NBEA: variants seen among roughly 807,000 people sequenced by gnomAD.
NBEA encodes the protein neurobeachin.
NBEA carries 44 observed loss-of-function variants against 343.4 expected under a neutral mutation model. That is an observed-to-expected ratio of 0.13 (90% confidence interval 0.10 to 0.16). NBEA has a LOEUF of 0.16. NBEA is among the 10% of genes least tolerant of loss of function. The pLI, the probability that NBEA is intolerant of heterozygous loss-of-function variation, is 1.00. For missense variants in NBEA, 2,555 were observed against 3,631.3 expected, an observed-to-expected ratio of 0.70 and a Z score of 7.62; for synonymous variants, 1,175 against 1,238.7, an observed-to-expected ratio of 0.95 and a Z score of 1.08.
At chr13:35,514,737 G>A (rs986293463) in intron 41 of NBEA, among the ~76,000 whole-genome samples, 3 of 152,034 alleles carry the variant, frequency 2.0e-5, no homozygotes, top group African/African-American at 7.2e-5. Context: ...AATAATTACC[G>A]GTTGATCATT....
intron 1 of NBEA, among the ~76,000 whole-genome samples, chr13:34,993,131 T>C (rs930864840): frequency 2.0e-5 from 3 of 152,222 alleles, no homozygotes; most frequent in African/African-American, 7.2e-5. Flanking sequence ...TCGTATCTTA[T>C]TAGAGCTTAT....
At chr13:35,412,209 G>A (rs888136988) in intron 38 of NBEA, among the ~76,000 whole-genome samples, 3 of 152,120 alleles carry the variant, frequency 2.0e-5, no homozygotes, top group Admixed American at 6.6e-5. Context: ...TTGTGTGTGT[G>A]CACACATGCA....
intron 47 of NBEA, among the ~76,000 whole-genome samples, chr13:35,598,749 A>G (rs1198871663): frequency 1.3e-5 from 2 of 152,196 alleles, no homozygotes; most frequent in Non-Finnish European, 2.9e-5. Flanking sequence ...TAACTTTTAT[A>G]AAAGGGTTTT....
chr13:35,626,398 T>G (rs1289102714), intron 48 of NBEA, among the ~76,000 whole-genome samples: 1 of 152,240 alleles, frequency 6.6e-6, no homozygotes, highest in Non-Finnish European at 1.5e-5. Context: ...TTAGGTATTT[T>G]ATTCAATAAT....
chr13:35,623,132 A>G, intron 48 of NBEA, among the ~76,000 whole-genome samples: 1 of 152,340 alleles, frequency 6.6e-6, no homozygotes, highest in East Asian at 1.9e-4. Context: ...AGGGTAAAGA[A>G]AGCTATTAAG....
At chr13:35,438,705 G>C (rs1181907672) in intron 39 of NBEA, among the ~76,000 whole-genome samples, 1 of 152,204 alleles carries the variant, frequency 6.6e-6, no homozygotes, top group South Asian at 2.1e-4. Flanking sequence ...GAAAGAGAGA[G>C]AGAAAGACAT....
chr13:35,135,662 A>C (rs1467094343), intron 17 of NBEA, among the ~76,000 whole-genome samples: 2 of 152,034 alleles, frequency 1.3e-5, no homozygotes, highest in Non-Finnish European at 2.9e-5. Context: ...GAAGAATAAG[A>C]ATAATGAGTA....
At chr13:35,425,252 T>C (rs907674027) in intron 38 of NBEA, among the ~76,000 whole-genome samples, 8 of 152,190 alleles carry the variant, frequency 5.3e-5, no homozygotes, top group African/African-American at 1.9e-4. Flanking sequence ...GTGTCAATTT[T>C]AAATCTTTCC....
At chr13:35,330,539 A>G (rs1232704965) in intron 36 of NBEA, among the ~76,000 whole-genome samples, 1 of 151,846 alleles carries the variant, frequency 6.6e-6, no homozygotes, top group East Asian at 1.9e-4. Flanking sequence ...CTTTTCAATG[A>G]TTCTCTCCTT....
In NBEA at chr13:35,432,279, G is replaced by A; in HGVS notation, c.6190G>A (p.Asp2064Asn). 2 of 1,599,390 alleles carry A rather than the reference G, an allele frequency of 1.3e-6. No individual in the cohort carries two copies. Among genetic ancestry groups the A allele is most frequent in the Admixed American group, 1.7e-5 (1 of 57,968 alleles). Residue 2064 changes from aspartate (D) to asparagine (N), a missense_variant, in exon 39 of 59, where the codon GAT (aspartate) becomes AAT (asparagine). Asp to Asn is a conservative substitution (Grantham distance 23, BLOSUM62 1). This residue lies in a region of NBEA where 246 missense variants were observed against 313.7 expected (regional missense o/e 0.78). Transcript: ENST00000379939. ...WGAVSHSQLHDFWRLDYWEDD... is the reference protein window; with the variant it reads ...WGAVSHSQLHNFWRLDYWEDD... Reference sequence around the variant, plus strand: ...TCCCTCTACTCTTAGCCAATTGCATGATTTCTGGCGTTTGGATTACTGGGA... The same window carrying A: ...TCCCTCTACTCTTAGCCAATTGCATAATTTCTGGCGTTTGGATTACTGGGA...
intron 32 of NBEA, among the ~76,000 whole-genome samples, chr13:35,210,812 C>T (rs2073721903): frequency 6.6e-6 from 1 of 151,934 alleles, no homozygotes. Context: ...TTTATTTATA[C>T]CCCATTTGTA....
At chr13:35,307,213 T>A (rs2036950127) in intron 35 of NBEA, among the ~76,000 whole-genome samples, 1 of 152,042 alleles carries the variant, frequency 6.6e-6, no homozygotes. Context: ...TATTCCCTAT[T>A]TGAAATACTC....
At chr13:35,466,804 G>T (rs961376180) in intron 40 of NBEA, among the ~76,000 whole-genome samples, 5 of 151,942 alleles carry the variant, frequency 3.3e-5, no homozygotes, top group African/African-American at 1.2e-4. Flanking sequence ...AAATACCATT[G>T]CTCTGAAATT....
At chr13:35,090,342 T>C (rs1435167502) in intron 10 of NBEA, among the ~76,000 whole-genome samples, 4 of 151,942 alleles carry the variant, frequency 2.6e-5, no homozygotes, top group Non-Finnish European at 5.9e-5. Context: ...TCTGATAACA[T>C]TTAGTTGATT....
At chr13:35,007,438 G>GT (rs1364331994) in intron 1 of NBEA, among the ~76,000 whole-genome samples, 1 of 152,138 alleles carries the variant, frequency 6.6e-6, no homozygotes, top group African/African-American at 2.4e-5. Context: ...GTTGTGGAAA[G>GT]TATGTTTTAT....
At chr13:35,143,209 T>G (rs1165777120) in intron 18 of NBEA, among the ~76,000 whole-genome samples, 1 of 152,242 alleles carries the variant, frequency 6.6e-6, no homozygotes. Context: ...CACACTCATT[T>G]GTTTAGCTGT....
At chr13:35,335,621 T>C (rs972294746) in intron 36 of NBEA, among the ~76,000 whole-genome samples, 3 of 152,166 alleles carry the variant, frequency 2.0e-5, no homozygotes, top group Non-Finnish European at 4.4e-5. Context: ...TTTAGACTTA[T>C]GATGGTTTTA....
chr13:34,985,841 A>C (rs759558940), intron 1 of NBEA, among the ~76,000 whole-genome samples: 1 of 150,664 alleles, frequency 6.6e-6, no homozygotes, highest in Non-Finnish European at 1.5e-5. Flanking sequence ...TTATATTATT[A>C]TCTGATGGTA....
At chr13:35,092,762 A>G (rs1018529736) in intron 10 of NBEA, among the ~76,000 whole-genome samples, 3 of 152,066 alleles carry the variant, frequency 2.0e-5, no homozygotes, top group African/African-American at 7.2e-5. Context: ...CAAATGGTTC[A>G]GCCAGTCTGA....
Sources: gnomAD v4.1 joint callset for allele counts (sites outside exome capture counted in the v4.1 genomes callset) on GRCh38, gnomAD v4.1.1 for gene constraint, gnomAD v4.1.1 regional missense constraint, MANE v1.5 for transcripts, NCBI Gene and HGNC (gene_info 2026-07-23, HGNC 2026-07-21) for gene names.